Variants in CA2 observed in about 807,000 individuals in gnomAD.
CA2 encodes carbonic anhydrase 2, also known as carbonate dehydratase II.
A neutral mutation model predicts 27.8 loss-of-function variants in CA2; 23 were observed. The observed-to-expected ratio is 0.83, with a 90% CI of 0.59 to 1.17. CA2 has a LOEUF of 1.17. Ranked by LOEUF, CA2 falls within the 50% of genes most tolerant of loss-of-function variation. The probability of loss-of-function intolerance (pLI) is 0.00; values close to 1 mark genes in which losing one functional copy is unlikely to be tolerated. For missense variants in CA2, 300 were observed against 314.7 expected (o/e 0.95, Z 0.35); for synonymous variants, 99 against 114.9 (o/e 0.86, Z 0.88).
chr8:85,473,476 G>T, intron 2 of CA2: 1 of 665,474 alleles, frequency 1.5e-6, no homozygotes, highest in Non-Finnish European at 2.8e-6. Flanking sequence ...CAGGTAAAGT[G>T]ATTTTGTTCA....
At chr8:85,464,356 C>T in intron 1 of CA2, 1 of 442,860 alleles carries the variant, frequency 2.3e-6, no homozygotes, top group Middle Eastern at 5.8e-4. Flanking sequence ...CCGCGTCCGC[C>T]GGAGGCGCGT....
At chr8:85,469,791 A>AT (rs1020049862) in intron 2 of CA2, among the ~76,000 whole-genome samples, 60 of 103,284 alleles carry the variant, frequency 5.8e-4, no homozygotes, top group African/African-American at 2.4e-3. Context: ...AGAAATTGGA[A>AT]TTTTTTAAAT....
chr8:85,464,121 T>C lies in CA2; in HGVS notation c.34+6T>C. On this transcript the variant is annotated splice_donor_region_variant and intron_variant, in intron 1 of 6. Coordinates refer to ENST00000285379, the MANE Select transcript of CA2 (RefSeq NM_000067.3). ...GGGGTACGGCAAACACAACGGTGAGTGCCGGCGACGGCCAGCGCGGGGGCG... is the reference window on the plus strand; with the variant it reads ...GGGGTACGGCAAACACAACGGTGAGCGCCGGCGACGGCCAGCGCGGGGGCG... 4 of 1,538,998 alleles carry C rather than the reference T, an allele frequency of 2.6e-6. No individual in the cohort carries two copies. The highest frequency in any genetic ancestry group is 3.5e-6 in the Non-Finnish European group (4 of 1,144,610).
At chr8:85,464,328 G>A in intron 1 of CA2, 1 of 473,282 alleles carries the variant, frequency 2.1e-6, no homozygotes, top group Non-Finnish European at 3.7e-6. Context: ...CAGCTGCGAG[G>A]CCACTGTGGA....
chr8:85,477,028 G>C (rs1180946365), intron 5 of CA2, 92 bp from the exon 6 acceptor site: 1 of 1,211,684 alleles, frequency 8.3e-7, no homozygotes, highest in Non-Finnish European at 1.2e-6. Flanking sequence ...GACCATCAGA[G>C]GGGAGTATAC....
At chr8:85,474,480 T>G (rs1811761054) in intron 4 of CA2, 64 bp downstream of exon 4, 1 of 1,182,204 alleles carries the variant, frequency 8.5e-7, no homozygotes. Context: ...GACAGAGTAT[T>G]TGTAACATAC....
intron 1 of CA2, chr8:85,465,027 A>C (rs1811604725): frequency 2.0e-6 from 1 of 505,142 alleles, no homozygotes; most frequent in Admixed American, 3.3e-5. Context: ...CAGTGATCTA[A>C]GAGCTTTACA....
At chr8:85,465,905 C>A (rs16913878) in intron 2 of CA2, among the ~76,000 whole-genome samples, 4,601 of 152,148 alleles carry the variant, frequency 0.03, 85 homozygotes, top group East Asian at 0.071. Context: ...GTAACAAAAA[C>A]GTGCCAATTT....
chr8:85,468,320 G>A (rs1811659945), intron 2 of CA2, among the ~76,000 whole-genome samples: 1 of 152,214 alleles, frequency 6.6e-6, no homozygotes, highest in South Asian at 2.1e-4. Flanking sequence ...GAAAGGACTT[G>A]CCCTCCTTTG....
chr8:85,475,396 A>AAAT (rs1811780145), intron 4 of CA2, among the ~76,000 whole-genome samples: 1 of 149,898 alleles, frequency 6.7e-6, no homozygotes, highest in Non-Finnish European at 1.5e-5. Context: ...AAAAAAAAAA[A>AAAT]GCGAGAGTCA....
intron 5 of CA2, among the ~76,000 whole-genome samples, 196 bp downstream of exon 5, chr8:85,476,056 T>A (rs1322865676): frequency 6.6e-6 from 1 of 152,208 alleles, no homozygotes; most frequent in Non-Finnish European, 1.5e-5. Flanking sequence ...CTAGCATAAT[T>A]CTAAGACTTG....
intron 6 of CA2, among the ~76,000 whole-genome samples, chr8:85,479,297 CCTGTTTACA>C (rs1811852525): frequency 6.6e-6 from 1 of 152,114 alleles, no homozygotes; most frequent in African/African-American, 2.4e-5. Context: ...AAAAGTTTGA[CCTGTTTACA>C]CTTTATGAAC....
chr8:85,473,068 C>A (rs1022060973), intron 2 of CA2, among the ~76,000 whole-genome samples: 1 of 151,024 alleles, frequency 6.6e-6, no homozygotes, highest in South Asian at 2.1e-4. Flanking sequence ...CAAAGCTAGC[C>A]AGCAGCAGTG....
chr8:85,478,795 C>T (rs1811844580), intron 6 of CA2, among the ~76,000 whole-genome samples: 1 of 152,218 alleles, frequency 6.6e-6, no homozygotes, highest in Non-Finnish European at 1.5e-5. Context: ...AGGTCCTCCT[C>T]TATCTGAGTC....
chr8:85,465,491 T>A (rs779670986), intron 2 of CA2, 22 bp downstream of exon 2: 3 of 1,597,506 alleles, frequency 1.9e-6, no homozygotes, highest in Non-Finnish European at 2.6e-6. Flanking sequence ...GAAAATAACT[T>A]GTGTCTTTTA....
At chr8:85,464,196 C>A (rs976296622) in intron 1 of CA2, 81 bp downstream of exon 1, 3 of 1,337,546 alleles carry the variant, frequency 2.2e-6, no homozygotes, top group African/African-American at 3.1e-5. Context: ...GATGCCGGCC[C>A]GGGGCCCGCA....
intron 2 of CA2, among the ~76,000 whole-genome samples, chr8:85,472,025 G>C (rs983224264): frequency 3.9e-5 from 6 of 151,966 alleles, no homozygotes; most frequent in African/African-American, 1.5e-4. Flanking sequence ...CTATTGTAAA[G>C]CAGATCTGGC....
At chr8:85,476,974 T>G (rs1230788411) in intron 5 of CA2, 146 bp from the exon 6 acceptor site, 1 of 727,244 alleles carries the variant, frequency 1.4e-6, no homozygotes, top group East Asian at 2.5e-5. Flanking sequence ...CTCTTTATTT[T>G]GTTTGCCAGT....
intron 2 of CA2, among the ~76,000 whole-genome samples, chr8:85,467,470 A>G (rs1418806233): frequency 2.6e-5 from 4 of 152,350 alleles, no homozygotes; most frequent in African/African-American, 9.6e-5. Flanking sequence ...TGCTCAATAA[A>G]TGGCCTCTGT....
Sources: allele counts gnomAD v4.1 joint callset (sites outside exome capture counted in the v4.1 genomes callset), GRCh38; gene constraint gnomAD v4.1.1; transcripts MANE v1.5; gene names NCBI Gene and HGNC (gene_info 2026-07-23, HGNC 2026-07-21).